The following CA10 variants were observed in gnomAD, a reference collection of about 807,000 sequenced individuals.
CA10 encodes carbonic anhydrase 10 (inactive).
Under a neutral mutation model 44.2 loss-of-function variants are expected in CA10, and 14 were observed. The observed-to-expected ratio is 0.32, with a 90% CI of 0.21 to 0.50. CA10 has a LOEUF of 0.50. Ranked by LOEUF, CA10 falls within the 20% of genes least tolerant of loss-of-function variation. CA10 has a pLI of 0.99. For missense variants in CA10, 350 were observed against 409.7 expected, an observed-to-expected ratio of 0.85 and a Z score of 1.26; for synonymous variants, 159 against 141.6, an observed-to-expected ratio of 1.12 and a Z score of -0.87.
At chr17:52,029,381 C>A (rs934619034) in intron 2 of CA10, among the ~76,000 whole-genome samples, 1 of 152,124 alleles carries the variant, frequency 6.6e-6, no homozygotes, top group Admixed American at 6.5e-5. Flanking sequence ...AGTGCTCTTC[C>A]TGATTCTAGA....
At chr17:52,109,498 C>T (rs985642066) in intron 1 of CA10, among the ~76,000 whole-genome samples, 1 of 152,170 alleles carries the variant, frequency 6.6e-6, no homozygotes, top group Non-Finnish European at 1.5e-5. Flanking sequence ...GTGTGGGAAA[C>T]ATCGTAGAAG....
intron 6 of CA10, among the ~76,000 whole-genome samples, chr17:51,642,420 T>G (rs1913125419): frequency 6.6e-6 from 1 of 152,178 alleles, no homozygotes; most frequent in Non-Finnish European, 1.5e-5. Context: ...AGTTCCAAGT[T>G]GATCTGTCCT....
At position 52,088,235 on chromosome 17, in the gene CA10, TA is replaced by T. The variant is rs200351338; in HGVS notation, c.62-15843del. Among the ~76,000 whole-genome samples the T allele has an allele frequency of 9.4e-3, 1,431 of 151,494 alleles. 18 individuals carry two copies. Among genetic ancestry groups the T allele is most frequent in the African/African-American group, 0.032 (1,333 of 41,292 alleles). ...TGTACCCTTGAACTTAAAAAAAGTT[TA>T]AAAAAAAAGTCATAAAAGGAAGAAT... On this transcript the variant is annotated intron_variant, in intron 1 of 8. Transcript: ENST00000451037.
chr17:51,785,565 T>C (rs906280309), intron 3 of CA10, among the ~76,000 whole-genome samples: 4 of 152,136 alleles, frequency 2.6e-5, no homozygotes, highest in Non-Finnish European at 2.9e-5. Context: ...GGTACACTGT[T>C]GGGAATGTAA....
At chr17:51,880,142 A>G (rs528882307) in intron 3 of CA10, among the ~76,000 whole-genome samples, 1 of 152,070 alleles carries the variant, frequency 6.6e-6, no homozygotes, top group African/African-American at 2.4e-5. Flanking sequence ...GCCAGTCCTA[A>G]CCCTGCTTTC....
At chr17:51,660,599 A>G (rs568294859) in intron 4 of CA10, among the ~76,000 whole-genome samples, 2 of 152,288 alleles carry the variant, frequency 1.3e-5, no homozygotes, top group Non-Finnish European at 2.9e-5. Flanking sequence ...CAGGAGGGCA[A>G]CAGGCTGTGT....
intron 3 of CA10, among the ~76,000 whole-genome samples, chr17:51,800,979 T>C (rs1179183029): frequency 6.6e-6 from 1 of 152,182 alleles, no homozygotes; most frequent in Non-Finnish European, 1.5e-5. Flanking sequence ...TACAGCTCTA[T>C]CCTAGGAGTG....
chr17:51,902,328 G>C (rs1292843827), intron 3 of CA10, among the ~76,000 whole-genome samples: 1 of 152,156 alleles, frequency 6.6e-6, no homozygotes, highest in Non-Finnish European at 1.5e-5. Context: ...GAGATAGAAA[G>C]ATGTCTCTGA....
At chr17:51,975,778 G>T (rs189090552) in intron 2 of CA10, among the ~76,000 whole-genome samples, 7 of 150,318 alleles carry the variant, frequency 4.7e-5, no homozygotes, top group Non-Finnish European at 8.9e-5. Flanking sequence ...CACTAAAATC[G>T]CTAGATCGTT....
chr17:51,639,697 C>G (rs1016658962), intron 6 of CA10, among the ~76,000 whole-genome samples: 1 of 152,164 alleles, frequency 6.6e-6, no homozygotes, highest in Non-Finnish European at 1.5e-5. Flanking sequence ...TTATACTCTA[C>G]CTTTTGCCCT....
At chr17:51,895,475 A>G (rs1324540836) in intron 3 of CA10, among the ~76,000 whole-genome samples, 1 of 147,256 alleles carries the variant, frequency 6.8e-6, no homozygotes, top group Non-Finnish European at 1.5e-5. Flanking sequence ...CAAAATCTTC[A>G]GGTTGTACTT....
chr17:52,117,910 A>G (rs532459538), intron 1 of CA10, among the ~76,000 whole-genome samples: 150 of 152,354 alleles, frequency 9.8e-4, no homozygotes, highest in Middle Eastern at 3.4e-3. Context: ...TAATCTTGTA[A>G]AAGAAATTCT....
intron 6 of CA10, among the ~76,000 whole-genome samples, chr17:51,648,319 A>C (rs950005971): frequency 6.6e-6 from 1 of 152,068 alleles, no homozygotes; most frequent in African/African-American, 2.4e-5. Context: ...TTATTTACCT[A>C]TTGCTTGATT....
intron 3 of CA10, among the ~76,000 whole-genome samples, chr17:51,787,718 G>A (rs1421792501): frequency 2.0e-5 from 3 of 151,974 alleles, no homozygotes; most frequent in South Asian, 2.1e-4. Context: ...GGCTGGTCTC[G>A]AACTCCTGAC....
intron 3 of CA10, among the ~76,000 whole-genome samples, chr17:51,790,809 A>G (rs1355197229): frequency 6.6e-6 from 1 of 152,216 alleles, no homozygotes; most frequent in Non-Finnish European, 1.5e-5. Context: ...ACAATGAACT[A>G]AATGCCACTT....
chr17:51,886,561 T>C (rs780504087), intron 3 of CA10, among the ~76,000 whole-genome samples: 4 of 152,218 alleles, frequency 2.6e-5, no homozygotes, highest in Admixed American at 6.5e-5. Context: ...CCTAAATCCA[T>C]GTATATGATT....
chr17:52,137,912 C>T (rs973715996), intron 1 of CA10, among the ~76,000 whole-genome samples: 1 of 152,100 alleles, frequency 6.6e-6, no homozygotes, highest in African/African-American at 2.4e-5. Context: ...GGACATTTGT[C>T]ATGCTCCCTG....
chr17:52,132,889 A>G (rs1396644702), intron 1 of CA10, among the ~76,000 whole-genome samples: 1 of 152,186 alleles, frequency 6.6e-6, no homozygotes, highest in Admixed American at 6.5e-5. Context: ...ACAGGACCAC[A>G]GTGAGACAAC....
intron 3 of CA10, among the ~76,000 whole-genome samples, chr17:51,909,717 A>G (rs181341330): frequency 7.2e-5 from 11 of 152,236 alleles, no homozygotes; most frequent in Admixed American, 7.2e-4. Flanking sequence ...TTTCCCAGAA[A>G]AAGCATCCTA....
Sources: gnomAD v4.1 joint callset for allele counts (sites outside exome capture counted in the v4.1 genomes callset) on GRCh38, gnomAD v4.1.1 for gene constraint, MANE v1.5 for transcripts, NCBI Gene and HGNC (gene_info 2026-07-23, HGNC 2026-07-21) for gene names.